PKHD1: variants seen among roughly 807,000 people sequenced by gnomAD.
PKHD1 encodes the protein PKHD1 ciliary IPT domain containing fibrocystin/polyductin, also known as fibrocystin.
A neutral mutation model predicts 412.0 loss-of-function variants in PKHD1; 291 were observed. The ratio of observed to expected loss-of-function variants is 0.71; its 90% CI spans 0.64 to 0.78. The LOEUF is 0.78. PKHD1 is among the 30% of genes least tolerant of loss of function. PKHD1 has a pLI of 0.00. For synonymous variants in PKHD1, 1,777 were observed against 1,821.5 expected (o/e 0.98, Z 0.62); for missense variants, 4,825 against 4,950.7 (o/e 0.97, Z 0.76).
chr6:51,618,972 T>G lies in PKHD1; in HGVS notation c.*109A>C. 3.0e-6 allele frequency: 3 copies of G among 1,000,276 alleles called. No homozygotes were observed. Among genetic ancestry groups the G allele is most frequent in the South Asian group, 1.3e-5 (1 of 77,622 alleles). 62.0% of individuals were successfully genotyped at this position (1,000,276 alleles called of 1,614,324 possible). A position where few individuals can be genotyped will look rare whatever the true frequency, so the allele number is the denominator to read the frequency against. On this transcript the variant is annotated 3_prime_UTR_variant, in exon 67 of 67. Coordinates refer to ENST00000371117, the MANE Select transcript of PKHD1 (RefSeq NM_138694.4). ...TTGAAAAAGGGATTCAGAGTCCACA[T>G]TCTCTCTTCTTAGTTGTCCCAGCAG...
At chr6:51,657,095 GA>G (rs1771980336) in intron 61 of PKHD1, among the ~76,000 whole-genome samples, 1 of 142,544 alleles carries the variant, frequency 7.0e-6, no homozygotes. Context: ...ACTTTTCCAT[GA>G]AAAAACTTAA....
At chr6:51,813,637 T>C (rs1044802887) in intron 52 of PKHD1, among the ~76,000 whole-genome samples, 2 of 152,206 alleles carry the variant, frequency 1.3e-5, no homozygotes, top group African/African-American at 4.8e-5. Context: ...AAAAAGTAAG[T>C]GCAGTGCTTG....
chr6:51,828,792 C>CA (rs1767759790), intron 52 of PKHD1, among the ~76,000 whole-genome samples: 1 of 151,934 alleles, frequency 6.6e-6, no homozygotes, highest in African/African-American at 2.4e-5. Context: ...AAGGTAGATT[C>CA]AATCCAGAGA....
At chr6:51,909,178 T>C in intron 40 of PKHD1, 105 bp downstream of exon 40, 1 of 905,124 alleles carries the variant, frequency 1.1e-6, no homozygotes, top group Non-Finnish European at 1.8e-6. Context: ...TATCCATCTC[T>C]AAATCCCTCA....
At chr6:51,645,062 A>G (rs1769914138) in intron 63 of PKHD1, among the ~76,000 whole-genome samples, 1 of 152,238 alleles carries the variant, frequency 6.6e-6, no homozygotes, top group Non-Finnish European at 1.5e-5. Flanking sequence ...AAAAAGGTAC[A>G]TATACACCAT....
At chr6:52,063,817 T>C (rs933874459) in intron 13 of PKHD1, among the ~76,000 whole-genome samples, 5 of 152,220 alleles carry the variant, frequency 3.3e-5, no homozygotes, top group African/African-American at 4.8e-5. Flanking sequence ...TTGGTTTCCA[T>C]AGTAATTCGC....
intron 46 of PKHD1, among the ~76,000 whole-genome samples, chr6:51,880,910 G>A (rs1448965491): frequency 1.3e-5 from 2 of 148,160 alleles, no homozygotes; most frequent in African/African-American, 5.0e-5. Context: ...AGCTTGCAGT[G>A]AGCCAAGATC....
intron 4 of PKHD1, among the ~76,000 whole-genome samples, chr6:52,081,396 C>G (rs1181751396): frequency 2.0e-5 from 3 of 152,180 alleles, no homozygotes; most frequent in Admixed American, 1.3e-4. Flanking sequence ...CGCAATGCAT[C>G]ATGAGGACTA....
chr6:51,733,106 G>C (rs562109940), intron 60 of PKHD1, among the ~76,000 whole-genome samples: 3 of 152,250 alleles, frequency 2.0e-5, no homozygotes, highest in African/African-American at 7.2e-5. Flanking sequence ...AGGAACACGG[G>C]GTAGGGAAGA....
chr6:52,057,789 G>A (rs1808007368), intron 16 of PKHD1, among the ~76,000 whole-genome samples: 1 of 152,126 alleles, frequency 6.6e-6, no homozygotes, highest in South Asian at 2.1e-4. Flanking sequence ...TTTACTTTTA[G>A]ACTGTAAGCT....
At chr6:51,893,759 A>T (rs36124138) in intron 43 of PKHD1, among the ~76,000 whole-genome samples, 11,939 of 152,222 alleles carry the variant, frequency 0.078, 676 homozygotes, top group African/African-American at 0.16. Flanking sequence ...CTAGAAAAAA[A>T]GTGAGTTAAC....
At chr6:52,024,527 A>G in intron 32 of PKHD1, 47 bp downstream of exon 32, 2 of 1,549,834 alleles carry the variant, frequency 1.3e-6, no homozygotes, top group Non-Finnish European at 1.8e-6. Flanking sequence ...AGGAGCTACC[A>G]ATTCATTTAC....
chr6:51,809,542 C>T (rs979817010), intron 52 of PKHD1, among the ~76,000 whole-genome samples: 2 of 151,924 alleles, frequency 1.3e-5, no homozygotes, highest in East Asian at 1.9e-4. Context: ...CAGCTTCTCA[C>T]GTTCTAATTT....
At chr6:51,721,810 C>T in intron 60 of PKHD1, 1 of 1,490,548 alleles carries the variant, frequency 6.7e-7, no homozygotes, top group Non-Finnish European at 8.9e-7. Flanking sequence ...ACCATCCTCT[C>T]CATTCTGGCT....
intron 37 of PKHD1, among the ~76,000 whole-genome samples, chr6:51,918,189 A>AT (rs928418899): frequency 6.6e-6 from 1 of 151,368 alleles, no homozygotes; most frequent in African/African-American, 2.4e-5. Context: ...ATACATATAT[A>AT]TATTCATTAT....
Position 51,836,686 on chromosome 6 carries a change from G to A in PKHD1, c.8108-217C>T, listed in dbSNP as rs9474105. 0.6 allele frequency among the ~76,000 whole-genome samples: 90,779 copies of A among 152,112 alleles called. 28,042 individuals are homozygous for A. Among genetic ancestry groups the A allele is most frequent in the Middle Eastern group, 0.76 (222 of 294 alleles). ...AAATGTAATTGCAATGAGGTCTCCA[G>A]GAGAACTGGCACATAAATAATTAGG... is the stretch of plus-strand genomic sequence containing the variant. On this transcript the variant is annotated intron_variant, in intron 50 of 66. Transcript: ENST00000371117.
At position 52,046,201 on chromosome 6, in the gene PKHD1, G is replaced by A. The variant is rs1465767540; in HGVS notation, c.2408-13C>T. On this transcript the variant is annotated splice_polypyrimidine_tract_variant and intron_variant, in intron 23 of 66. Coordinates refer to ENST00000371117, the MANE Select transcript of PKHD1 (RefSeq NM_138694.4). Reference sequence around the variant, plus strand: ...TGTACAGGGACATCTGTGAGAGAAGGTTTTGATACAGAAAACACAGACACT... The same window carrying A: ...TGTACAGGGACATCTGTGAGAGAAGATTTTGATACAGAAAACACAGACACT... 1.3e-6 allele frequency: 2 copies of A among 1,598,066 alleles called. No homozygotes were observed. Among genetic ancestry groups the A allele is most frequent in the African/African-American group, 1.3e-5 (1 of 74,544 alleles).
At chr6:51,923,909 G>A (rs902851398) in intron 37 of PKHD1, among the ~76,000 whole-genome samples, 3 of 152,172 alleles carry the variant, frequency 2.0e-5, no homozygotes, top group Admixed American at 2.0e-4. Flanking sequence ...TAAGTCCAAT[G>A]AAGAAAATGG....
chr6:51,725,581 T>C (rs564684533), intron 60 of PKHD1, among the ~76,000 whole-genome samples: 32 of 152,288 alleles, frequency 2.1e-4, no homozygotes, highest in Non-Finnish European at 4.3e-4. Flanking sequence ...CGGGTGCTTG[T>C]GCATGACTGT....
Sources: gnomAD v4.1 joint callset for allele counts (sites outside exome capture counted in the v4.1 genomes callset) on GRCh38, gnomAD v4.1.1 for gene constraint, MANE v1.5 for transcripts, NCBI Gene and HGNC (gene_info 2026-07-23, HGNC 2026-07-21) for gene names.